The following LMBRD1 variants were observed in gnomAD, a reference collection of about 807,000 sequenced individuals.
LMBRD1 encodes the protein LMBR1 domain containing 1.
LMBRD1 carries 64 observed loss-of-function variants against 74.8 expected under a neutral mutation model. The ratio of observed to expected loss-of-function variants is 0.86; its 90% CI spans 0.70 to 1.05. The LOEUF (loss-of-function observed/expected upper bound fraction) is 1.05. Ranked by LOEUF, LMBRD1 falls within the 50% of genes least tolerant of loss-of-function variation. The pLI, the probability that LMBRD1 is intolerant of heterozygous loss-of-function variation, is 0.00. For missense variants in LMBRD1, 652 were observed against 645.9 expected, an observed-to-expected ratio of 1.01 and a Z score of -0.10; for synonymous variants, 204 against 216.3, an observed-to-expected ratio of 0.94 and a Z score of 0.50.
In LMBRD1 at chr6:69,754,110, A is replaced by T. The variant is rs1765222838; in HGVS notation, c.308-1754T>A. ...AGTAGTCAAAAGCAAGGACACAGAA[A>T]GTAGGACGGTGGTTGTCAGAAGGAG... On this transcript the variant is annotated intron_variant, in intron 3 of 15. Coordinates refer to ENST00000649934, the MANE Select transcript of LMBRD1 (RefSeq NM_018368.4). Among the ~76,000 whole-genome samples, 4 of 151,856 alleles carry T rather than the reference A, an allele frequency of 2.6e-5. 1 individual carries two copies. The highest frequency in any genetic ancestry group is 9.7e-5 in the African/African-American group (4 of 41,340).
chr6:69,767,673 C>A (rs1902652), intron 3 of LMBRD1, among the ~76,000 whole-genome samples: 17,090 of 151,800 alleles, frequency 0.11, 2,702 homozygotes, highest in African/African-American at 0.35. Flanking sequence ...TGTTCTGCAT[C>A]CATTGGGATA....
At position 69,760,739 on chromosome 6, in the gene LMBRD1, G is replaced by A. The variant is rs184966836; in HGVS notation, c.308-8383C>T. On this transcript the variant is annotated intron_variant, in intron 3 of 15. Transcript: ENST00000649934. ...ATTGGGATGTCATTTCTGAGATTAC[G>A]TGACAAAAAGACTGGCTTCCATCTT... is the stretch of plus-strand genomic sequence containing the variant. Among the ~76,000 whole-genome samples the A allele has an allele frequency of 2.1e-3, 327 of 152,222 alleles. 1 individual carries two copies. Among genetic ancestry groups the A allele is most frequent in the African/African-American group, 7.4e-3 (309 of 41,534 alleles).
At chr6:69,738,553 T>C (rs1226446400) in intron 6 of LMBRD1, among the ~76,000 whole-genome samples, 1 of 151,800 alleles carries the variant, frequency 6.6e-6, no homozygotes, top group Admixed American at 6.6e-5. Flanking sequence ...CTTGCCTACT[T>C]GGCAGAAAAA....
At chr6:69,777,134 G>A (rs184910267) in intron 3 of LMBRD1, among the ~76,000 whole-genome samples, 25 of 151,532 alleles carry the variant, frequency 1.6e-4, no homozygotes, top group African/African-American at 5.1e-4. Context: ...GACAACAAAG[G>A]GAGGCTCCAT....
chr6:69,710,447 G>C (rs750675920), intron 9 of LMBRD1, among the ~76,000 whole-genome samples: 33 of 152,050 alleles, frequency 2.2e-4, no homozygotes, highest in Admixed American at 1.4e-3. Flanking sequence ...AAACATTTCT[G>C]AGGACACAAA....
chr6:69,781,626 C>A (rs1765837265), intron 2 of LMBRD1, among the ~76,000 whole-genome samples: 1 of 152,016 alleles, frequency 6.6e-6, no homozygotes, highest in Admixed American at 6.6e-5. Flanking sequence ...TCTACAAAGG[C>A]AAAACCTTGA....
At chr6:69,770,260 C>A (rs9351774) in intron 3 of LMBRD1, among the ~76,000 whole-genome samples, 54,649 of 152,026 alleles carry the variant, frequency 0.36, 10,446 homozygotes, top group East Asian at 0.54. Flanking sequence ...GTAGGTCCTC[C>A]CTGGACCCAC....
intron 14 of LMBRD1, among the ~76,000 whole-genome samples, chr6:69,687,037 T>C (rs1367018463): frequency 6.6e-6 from 1 of 152,208 alleles, no homozygotes; most frequent in Non-Finnish European, 1.5e-5. Flanking sequence ...AGTGATCCTG[T>C]GAGAACATAA....
At chr6:69,794,920 T>C (rs1766178433) in intron 1 of LMBRD1, among the ~76,000 whole-genome samples, 1 of 152,212 alleles carries the variant, frequency 6.6e-6, no homozygotes, top group Admixed American at 6.5e-5. Flanking sequence ...AATGTAACAA[T>C]GAATGAAATG....
intron 8 of LMBRD1, among the ~76,000 whole-genome samples, chr6:69,714,692 T>C (rs1298355682): frequency 1.3e-5 from 2 of 152,134 alleles, no homozygotes; most frequent in Non-Finnish European, 2.9e-5. Context: ...GCTCTTCCCA[T>C]GTATCCTAGT....
At chr6:69,733,007 C>T (rs965619273) in intron 7 of LMBRD1, among the ~76,000 whole-genome samples, 4 of 152,152 alleles carry the variant, frequency 2.6e-5, no homozygotes, top group African/African-American at 9.7e-5. Flanking sequence ...AATTATTTGG[C>T]ATTGATTAAT....
intron 14 of LMBRD1, among the ~76,000 whole-genome samples, chr6:69,685,959 T>C (rs146674972): frequency 9.3e-4 from 141 of 151,970 alleles, no homozygotes; most frequent in African/African-American, 3.3e-3. Context: ...GGAGACATGA[T>C]GGAAAGGGGA....
intron 14 of LMBRD1, among the ~76,000 whole-genome samples, chr6:69,695,588 AC>A (rs1182244327): frequency 5.3e-5 from 8 of 152,126 alleles, no homozygotes; most frequent in Non-Finnish European, 1.0e-4. Context: ...TACTTATAAC[AC>A]CTAATACAAT....
Position 69,767,670 on chromosome 6 carries a change from C to CAT in LMBRD1, c.307+12822_307+12823dup, listed in dbSNP as rs1765498897. Among the ~76,000 whole-genome samples, 14 of 151,988 alleles carry CAT rather than the reference C, an allele frequency of 9.2e-5. No individual in the cohort carries two copies. In the South Asian group the frequency reaches 2.9e-3, roughly 32 times the overall value. ...TGTGCTTTAAGTCAATTGTGTTCTG[C>CAT]ATCCATTGGGATACAATTTTCTACA... is the stretch of plus-strand genomic sequence containing the variant. On this transcript the variant is annotated intron_variant, in intron 3 of 15. Transcript: ENST00000649934.
At chr6:69,735,639 C>T (rs1766960059) in intron 7 of LMBRD1, among the ~76,000 whole-genome samples, 2 of 152,180 alleles carry the variant, frequency 1.3e-5, no homozygotes, top group Admixed American at 1.3e-4. Flanking sequence ...TACAAAGAAG[C>T]TCTCTTTCAA....
intron 14 of LMBRD1, among the ~76,000 whole-genome samples, chr6:69,684,992 A>G (rs1402293362): frequency 6.6e-6 from 1 of 152,192 alleles, no homozygotes; most frequent in East Asian, 1.9e-4. Context: ...AGACAAAGAT[A>G]TATTTTCTTA....
intron 3 of LMBRD1, among the ~76,000 whole-genome samples, chr6:69,756,456 G>A (rs1292343003): frequency 1.3e-5 from 2 of 151,790 alleles, no homozygotes; most frequent in Non-Finnish European, 2.9e-5. Context: ...AAAATGCAAA[G>A]TAAATCTAAA....
intron 3 of LMBRD1, among the ~76,000 whole-genome samples, chr6:69,752,799 T>A (rs886642539): frequency 5.9e-5 from 9 of 152,204 alleles, no homozygotes; most frequent in African/African-American, 2.2e-4. Context: ...CTATAAATAA[T>A]ATTCTTTGTG....
chr6:69,691,807 C>T (rs1015666774), intron 14 of LMBRD1, among the ~76,000 whole-genome samples: 2 of 140,662 alleles, frequency 1.4e-5, no homozygotes, highest in Admixed American at 8.0e-5. Context: ...ACCCGGGAGG[C>T]GAAGGTTGCA....
Sources: gnomAD v4.1 joint callset for allele counts (sites outside exome capture counted in the v4.1 genomes callset) on GRCh38, gnomAD v4.1.1 for gene constraint, MANE v1.5 for transcripts, NCBI Gene and HGNC (gene_info 2026-07-23, HGNC 2026-07-21) for gene names.